The following MAGI3 variants were observed in gnomAD, a reference collection of about 807,000 sequenced individuals.
The protein encoded by MAGI3 is membrane-associated guanylate kinase, WW and PDZ domain-containing protein 3.
MAGI3 carries 43 observed loss-of-function variants against 121.8 expected under a neutral mutation model. The observed-to-expected ratio is 0.35, with a 90% confidence interval of 0.28 to 0.46. The LOEUF (loss-of-function observed/expected upper bound fraction) is 0.46, where lower values mean the gene tolerates loss of function less well. MAGI3 is among the 20% of genes least tolerant of loss of function. The pLI, the probability that MAGI3 is intolerant of heterozygous loss-of-function variation, is 1.00. For synonymous variants in MAGI3, 553 were observed against 639.3 expected (o/e 0.86, Z 2.04); for missense variants, 1,547 against 1,797.3 (o/e 0.86, Z 2.52).
intron 20 of MAGI3, chr1:113,682,360 T>C (rs1356145256): frequency 3.2e-6 from 5 of 1,551,110 alleles, no homozygotes; most frequent in Middle Eastern, 1.7e-4. Context: ...AAATTAAAAA[T>C]GATGCTATTA....
chr1:113,673,409 C>A lies in MAGI3; in HGVS notation c.3133C>A (p.Leu1045Met), dbSNP rs1647682526. Residue 1045 changes from leucine to methionine, a missense_variant, in exon 19 of 21, where the codon CTG becomes ATG. Coordinates refer to ENST00000307546, the MANE Select transcript of MAGI3 (RefSeq NM_001142782.2). Reference protein sequence around the residue: ...LRGGKEYNMGLFILRLAEDGP... With the variant: ...LRGGKEYNMGMFILRLAEDGP... ...AGGGGGGAAGGAGTACAACATGGGG[C>A]TGTTCATCCTTCGTCTTGCTGAAGA... is the stretch of plus-strand genomic sequence containing the variant. 1 of 1,612,926 alleles carries A rather than the reference C, an allele frequency of 6.2e-7. No homozygotes were observed. The highest frequency in any genetic ancestry group is 1.1e-5 in the South Asian group (1 of 90,936).
intron 9 of MAGI3, among the ~76,000 whole-genome samples, chr1:113,632,920 T>C (rs1228824542): frequency 6.6e-6 from 1 of 151,964 alleles, no homozygotes; most frequent in Non-Finnish European, 1.5e-5. Flanking sequence ...ATTATTATTA[T>C]ACTTTAAGTT....
At chr1:113,572,171 G>A (rs1359014622) in intron 2 of MAGI3, among the ~76,000 whole-genome samples, 1 of 152,164 alleles carries the variant, frequency 6.6e-6, no homozygotes, top group African/African-American at 2.4e-5. Flanking sequence ...TTTGTCATTT[G>A]TTCTGTTTAT....
At chr1:113,580,466 G>T (rs1647950616) in intron 2 of MAGI3, 76 bp from the exon 3 acceptor site, 4 of 1,362,750 alleles carry the variant, frequency 2.9e-6, no homozygotes, top group African/African-American at 2.9e-5. Context: ...TCTACAAACT[G>T]AATATTCTTT....
intron 1 of MAGI3, among the ~76,000 whole-genome samples, chr1:113,489,746 A>G (rs556405602): frequency 6.6e-6 from 1 of 152,102 alleles, no homozygotes; most frequent in African/African-American, 2.4e-5. Context: ...TCATAATGCA[A>G]TTGCAACCAT....
chr1:113,592,206 A>G (rs755059558), intron 5 of MAGI3, among the ~76,000 whole-genome samples: 3 of 152,186 alleles, frequency 2.0e-5, no homozygotes, highest in Non-Finnish European at 2.9e-5. Context: ...TATGTAGAAT[A>G]TAGTTAAATA....
chr1:113,666,364 A>C (rs1435637136), intron 16 of MAGI3, among the ~76,000 whole-genome samples: 1 of 152,232 alleles, frequency 6.6e-6, no homozygotes, highest in African/African-American at 2.4e-5. Flanking sequence ...AAGGTTATGT[A>C]CTATTCTAAA....
intron 1 of MAGI3, among the ~76,000 whole-genome samples, chr1:113,395,676 TAC>T (rs1218259653): frequency 2.0e-5 from 3 of 151,948 alleles, no homozygotes; most frequent in East Asian, 1.9e-4. Context: ...TATATGTATA[TAC>T]ACACACACAT....
At chr1:113,625,270 C>T (rs1022290901) in intron 9 of MAGI3, among the ~76,000 whole-genome samples, 2 of 152,100 alleles carry the variant, frequency 1.3e-5, no homozygotes, top group African/African-American at 4.8e-5. Flanking sequence ...ATAGAGATTG[C>T]ATTGAATCTA....
At chr1:113,650,194 C>T (rs1653077632) in intron 13 of MAGI3, among the ~76,000 whole-genome samples, 1 of 151,998 alleles carries the variant, frequency 6.6e-6, no homozygotes, top group African/African-American at 2.4e-5. Flanking sequence ...GTTACAGTTA[C>T]AACAGTCATT....
At chr1:113,624,950 C>A (rs1314928466) in intron 9 of MAGI3, among the ~76,000 whole-genome samples, 1 of 152,122 alleles carries the variant, frequency 6.6e-6, no homozygotes, top group Admixed American at 6.6e-5. Flanking sequence ...TTTCCTAGAA[C>A]CATTGAAGAG....
rs1380352135 is a variant in MAGI3, at chr1:113,585,368, G to A, written c.554-19G>A. 8 of 1,608,870 alleles carry A rather than the reference G, an allele frequency of 5.0e-6. No homozygotes were observed. The Admixed American group carries it at 1.3e-4, about 27-fold the overall frequency. On this transcript the variant is annotated intron_variant, in intron 3 of 20. Coordinates refer to ENST00000307546, the MANE Select transcript of MAGI3 (RefSeq NM_001142782.2). ...CACTGCAACATTAGTAATTTCAGCT[G>A]CTATTTTATTCACTTCAGGAAACTT...
intron 1 of MAGI3, among the ~76,000 whole-genome samples, chr1:113,416,278 T>G (rs62645190): frequency 0.67 from 42,312 of 63,546 alleles, 15,896 homozygotes; most frequent in African/African-American, 0.81. Flanking sequence ...TGTAATTAAT[T>G]ACACATATTA....
intron 6 of MAGI3, among the ~76,000 whole-genome samples, chr1:113,594,884 T>C (rs1648899267): frequency 6.6e-6 from 1 of 152,214 alleles, no homozygotes; most frequent in African/African-American, 2.4e-5. Context: ...AGGCACATCC[T>C]CAACCATAAG....
chr1:113,616,642 T>C (rs893630715), intron 7 of MAGI3, among the ~76,000 whole-genome samples: 3 of 152,222 alleles, frequency 2.0e-5, no homozygotes, highest in African/African-American at 7.2e-5. Flanking sequence ...AATATGCTTA[T>C]AATATGCATA....
intron 1 of MAGI3, among the ~76,000 whole-genome samples, chr1:113,401,255 T>A (rs920051210): frequency 6.6e-6 from 1 of 152,136 alleles, no homozygotes; most frequent in African/African-American, 2.4e-5. Flanking sequence ...AAAACCTGTC[T>A]TCCTTTTTCT....
At chr1:113,515,307 T>C (rs1222507965) in intron 1 of MAGI3, among the ~76,000 whole-genome samples, 1 of 152,140 alleles carries the variant, frequency 6.6e-6, no homozygotes, top group Non-Finnish European at 1.5e-5. Context: ...ATCTGATCTG[T>C]AAACTAGTAG....
At chr1:113,494,243 TAGCAAACAAACACAGGAAC>T (rs1280250048) in intron 1 of MAGI3, among the ~76,000 whole-genome samples, 1 of 152,102 alleles carries the variant, frequency 6.6e-6, no homozygotes, top group Non-Finnish European at 1.5e-5. Flanking sequence ...CCATTATCCT[TAGCAAACAAACACAGGAAC>T]AGAAAACCAA....
chr1:113,509,143 C>T (rs960468865), intron 1 of MAGI3, among the ~76,000 whole-genome samples: 5 of 151,830 alleles, frequency 3.3e-5, no homozygotes, highest in African/African-American at 1.2e-4. Context: ...TCTTAAATTA[C>T]CATTTTGAGA....
Sources: gnomAD v4.1 joint callset for allele counts (sites outside exome capture counted in the v4.1 genomes callset) on GRCh38, gnomAD v4.1.1 for gene constraint, MANE v1.5 for transcripts, NCBI Gene and HGNC (gene_info 2026-07-23, HGNC 2026-07-21) for gene names.